Variants in UBN1 observed in about 807,000 individuals in gnomAD.
UBN1 encodes ubinuclein 1.
Under a neutral mutation model 108.5 loss-of-function variants are expected in UBN1, and 17 were observed. The observed-to-expected ratio is 0.16, with a 90% CI of 0.11 to 0.24. The LOEUF is 0.24. Ranked by LOEUF, UBN1 falls within the 10% of genes least tolerant of loss-of-function variation. The pLI is 1.00. For synonymous variants in UBN1, 726 were observed against 564.2 expected, an observed-to-expected ratio of 1.29 and a Z score of -4.07; for missense variants, 1,595 against 1,394.4, an observed-to-expected ratio of 1.14 and a Z score of -2.29.
chr16:4,848,488 C>T (rs1057233122), intron 1 of UBN1: 8 of 152,340 alleles, frequency 5.3e-5, no homozygotes, highest in Non-Finnish European at 1.0e-4. Flanking sequence ...CTTGTTGAGT[C>T]ACTGCCAGCT....
intron 1 of UBN1, among the ~76,000 whole-genome samples, chr16:4,851,230 A>G (rs1363520755): frequency 6.6e-6 from 1 of 152,234 alleles, no homozygotes; most frequent in Non-Finnish European, 1.5e-5. Context: ...GGCTGGGCTC[A>G]GTGGCTCACA....
rs781532073 is a variant in UBN1, at chr16:4,875,129, T to C, written c.2719T>C (p.Ser907Pro). ...TTACAAGAATAATCCCTTTGCCAGC[T>C]CAATCTCCAAACATGGGGTTTCTTC... ...SSYKNNPFAS[S>P]ISKHGVSSGS... is the part of the protein sequence containing the mutation. The change falls in exon 15 of 18, where the codon TCA becomes CCA. Residue 907 changes from serine to proline, a missense_variant. Physicochemically the swap from Ser to Pro is moderately conservative, Grantham distance 74. This residue lies in a region of UBN1 where 1,398 missense variants were observed against 1,194.7 expected (regional missense o/e 1.17). Coordinates refer to ENST00000262376, the MANE Select transcript of UBN1 (RefSeq NM_001079514.3). 7 of 1,614,080 alleles carry C rather than the reference T, an allele frequency of 4.3e-6. No individual in the cohort carries two copies. The African/African-American group carries it at 9.3e-5, about 22-fold the overall frequency.
In UBN1 at chr16:4,847,484, T is replaced by C. The variant is rs1475630093; in HGVS notation, c.-766T>C. 3.4e-6 allele frequency: 2 copies of C among 585,196 alleles called. No individual in the cohort carries two copies. The highest frequency in any genetic ancestry group is 5.7e-6 in the Non-Finnish European group (2 of 352,848). The allele number at this position is 585,196 out of a possible 1,614,324, so 36.3% of individuals were successfully genotyped here. ...GCGCCGGAGCGCAGAGACTCCCGGC[T>C]CCTTCCCCCTCCCTTCGGCTCGTGA... On this transcript the variant is annotated 5_prime_UTR_variant, in exon 1 of 18. Coordinates refer to ENST00000262376, the MANE Select transcript of UBN1 (RefSeq NM_001079514.3).
intron 2 of UBN1, among the ~76,000 whole-genome samples, chr16:4,855,606 CAAAAAA>C (rs36072146): frequency 7.5e-5 from 6 of 80,232 alleles, no homozygotes; most frequent in African/African-American, 2.8e-4. Context: ...GACCCTGTGT[CAAAAAA>C]AAAAAAAAAA....
At position 4,859,072 on chromosome 16, in the gene UBN1, T is replaced by C; in HGVS notation, c.480T>C (p.Phe160=). 6.2e-7 allele frequency: 1 copy of C among 1,614,164 alleles called. No homozygotes were observed. Among genetic ancestry groups the C allele is most frequent in the Non-Finnish European group, 8.5e-7 (1 of 1,180,026 alleles). The change falls in exon 5 of 18, where the codon TTT becomes TTC. Residue 160 remains phenylalanine (F), a synonymous_variant. Coordinates refer to ENST00000262376, the MANE Select transcript of UBN1 (RefSeq NM_001079514.3). ...PASLTTKYGG[F]YINSGTLQFR... ...CTTTGACTACGAAGTATGGAGGATT[T>C]TACATTAACTCGGGAACCCTGCAGT...
Position 4,868,913 on chromosome 16 carries a change from G to A in UBN1, c.1181+10G>A, listed in dbSNP as rs764581055. On this transcript the variant is annotated intron_variant, in intron 8 of 17. Transcript: ENST00000262376. The stretch of plus-strand genomic sequence containing the variant: ...ATGGAATCCTATTAGAGTGAGTATC[G>A]TCTGTCTGTCTGTCTGTCTGTCTGT... 4.7e-5 allele frequency: 74 copies of A among 1,580,454 alleles called. No individual in the cohort carries two copies. In the Admixed American group the frequency reaches 7.1e-4, roughly 15 times the overall value.
intron 1 of UBN1, among the ~76,000 whole-genome samples, chr16:4,849,402 T>TA (rs1221416565): frequency 6.6e-6 from 1 of 152,096 alleles, no homozygotes; most frequent in Non-Finnish European, 1.5e-5. Flanking sequence ...GGGTACTCAT[T>TA]ATAAGTTGGA....
chr16:4,878,097 T>G lies in UBN1; in HGVS notation c.3355+623T>G, dbSNP rs2087967855. ...AGCATCTTCTGAAATAGGGAACTTC[T>G]AAAAGCCTCAGGCTTGAGGCTGCTC... On this transcript the variant is annotated intron_variant, in intron 17 of 17. Coordinates refer to ENST00000262376, the MANE Select transcript of UBN1 (RefSeq NM_001079514.3). Among the ~76,000 whole-genome samples, 2 of 152,122 alleles carry G rather than the reference T, an allele frequency of 1.3e-5. 1 individual carries two copies. Among genetic ancestry groups the G allele is most frequent in the South Asian group, 4.1e-4 (2 of 4,830 alleles).
Position 4,870,614 on chromosome 16 carries a change from C to G in UBN1, c.1410C>G (p.His470Gln). 6.2e-7 allele frequency: 1 copy of G among 1,614,182 alleles called. No individual in the cohort carries two copies. Among genetic ancestry groups the G allele is most frequent in the East Asian group, 2.2e-5 (1 of 44,862 alleles). ...MAKYQDECQA[H>Q]TQAKVAKMLE... Reference sequence around the variant, plus strand: ...AGTACCAGGACGAATGCCAGGCACACACGCAGGCAAAGGTTGCCAAGTAAG... The same window carrying G: ...AGTACCAGGACGAATGCCAGGCACAGACGCAGGCAAAGGTTGCCAAGTAAG... Residue 470 changes from histidine to glutamine, a missense_variant, in exon 10 of 18, where the codon CAC becomes CAG. Around this residue, in one of 3 missense-constraint regions of UBN1, gnomAD observed 1,398 missense variants for 1,194.7 expected, o/e 1.17. Transcript: ENST00000262376.
intron 17 of UBN1, among the ~76,000 whole-genome samples, chr16:4,878,101 A>G (rs1386301464): frequency 6.6e-6 from 1 of 152,208 alleles, no homozygotes; most frequent in East Asian, 1.9e-4. Context: ...AACTTCTAAA[A>G]GCCTCAGGCT....
intron 6 of UBN1, among the ~76,000 whole-genome samples, 196 bp from the exon 7 acceptor site, chr16:4,860,468 T>C (rs1056677849): frequency 1.3e-5 from 2 of 152,228 alleles, no homozygotes; most frequent in Non-Finnish European, 2.9e-5. Context: ...ACTGTGTTGC[T>C]AACCTGTATT....
At chr16:4,850,010 C>T (rs1353296153) in intron 1 of UBN1, among the ~76,000 whole-genome samples, 1 of 148,806 alleles carries the variant, frequency 6.7e-6, no homozygotes, top group Admixed American at 6.7e-5. Flanking sequence ...AGGCAACTCT[C>T]GTAAGTCTAA....
chr16:4,847,630 T>C lies in UBN1; in HGVS notation c.-620T>C. ...GGTCTTGGACTCCGCGCCCCTCCCC[T>C]CTCGGCGCTTCCGTTACGCCCGTTG... On this transcript the variant is annotated 5_prime_UTR_variant, in exon 1 of 18. Coordinates refer to ENST00000262376, the MANE Select transcript of UBN1 (RefSeq NM_001079514.3). 3.8e-6 allele frequency: 1 copy of C among 262,856 alleles called. No homozygotes were observed. Among genetic ancestry groups the C allele is most frequent in the Middle Eastern group, 1.3e-3 (1 of 786 alleles). 16.3% of individuals were successfully genotyped at this position (262,856 alleles called of 1,614,324 possible).
intron 2 of UBN1, among the ~76,000 whole-genome samples, chr16:4,853,783 A>G (rs147947252): frequency 2.9e-3 from 439 of 152,188 alleles, no homozygotes; most frequent in African/African-American, 0.01. Context: ...GCTGGTCTCA[A>G]ACTCCTGGCC....
rs1259224457 is a variant in UBN1, at chr16:4,859,141, G to A, written c.549G>A (p.Lys183=). The A allele has an allele frequency of 6.2e-7, 1 of 1,612,686 alleles. No individual in the cohort carries two copies. The highest frequency in any genetic ancestry group is 8.5e-7 in the Non-Finnish European group (1 of 1,179,670). ...SESEDDFIKE[K]KKKSPKKRKL... Reference sequence around the variant, plus strand: ...CTGAAGATGACTTCATTAAAGAAAAGAAGAAAAAATCTCCAAAGGTTAGAA... The same window carrying A: ...CTGAAGATGACTTCATTAAAGAAAAAAAGAAAAAATCTCCAAAGGTTAGAA... The change falls in exon 5 of 18, where the codon AAG becomes AAA. Residue 183 remains lysine, a synonymous_variant. Transcript: ENST00000262376.
In UBN1 at chr16:4,860,664, C is replaced by T. The variant is rs750446602; in HGVS notation, c.672C>T (p.Gly224=). The change falls in exon 7 of 18, where the codon GGC becomes GGT. Residue 224 remains glycine (G), a splice_region_variant and synonymous_variant. Transcript: ENST00000262376. ...TGACCAGTTTCCCTCTTGCTTGCAGCTTCACAGCCCTCAATGCCAGTAAGG... is the reference window on the plus strand; with the variant it reads ...TGACCAGTTTCCCTCTTGCTTGCAGTTTCACAGCCCTCAATGCCAGTAAGG... ...KSKKSKFSKA[G]FTALNASKEK... is the part of the protein sequence containing the mutation. The T allele has an allele frequency of 1.1e-5, 17 of 1,608,102 alleles. No homozygotes were observed. In the Admixed American group the frequency reaches 2.4e-4, roughly 22 times the overall value.
Position 4,877,664 on chromosome 16 carries a change from G to A in UBN1, c.3355+190G>A. ...ACTTCTACTCTTGGGGTTTCCTCTG[G>A]TCCCCACTTGGAGCTGCCGCCAGGT... On this transcript the variant is annotated intron_variant, in intron 17 of 17. Coordinates refer to ENST00000262376, the MANE Select transcript of UBN1 (RefSeq NM_001079514.3). The surrounding 1 kb of genome is among the most constrained non-coding windows in gnomAD (Gnocchi z 4.3). The A allele has an allele frequency of 7.8e-7, 1 of 1,288,544 alleles. No individual in the cohort carries two copies. The highest frequency in any genetic ancestry group is 9.8e-7 in the Non-Finnish European group (1 of 1,018,886). 79.8% of individuals were successfully genotyped at this position (1,288,544 alleles called of 1,614,324 possible). A position where few individuals can be genotyped will look rare whatever the true frequency, so the allele number is the denominator to read the frequency against.
chr16:4,853,300 G>A lies in UBN1; in HGVS notation c.249+134G>A. 6 of 1,254,674 alleles carry A rather than the reference G, an allele frequency of 4.8e-6. No homozygotes were observed. In the South Asian group the frequency reaches 9.1e-5, roughly 19 times the overall value. 77.7% of individuals were successfully genotyped at this position (1,254,674 alleles called of 1,614,324 possible). ...CCCCAAGATCCTGTCACTCACTCAA[G>A]GCAAGCACAAGATTTGCTTCTCTTA... is the stretch of plus-strand genomic sequence containing the variant. On this transcript the variant is annotated intron_variant, in intron 2 of 17. Coordinates refer to ENST00000262376, the MANE Select transcript of UBN1 (RefSeq NM_001079514.3).
At chr16:4,876,437 ATG>A in intron 15 of UBN1, among the ~76,000 whole-genome samples, 1 of 152,186 alleles carries the variant, frequency 6.6e-6, no homozygotes, top group South Asian at 2.1e-4. Flanking sequence ...GTATATATGT[ATG>A]TGTGTGTATG....
Sources: gnomAD v4.1 joint callset for allele counts (sites outside exome capture counted in the v4.1 genomes callset) on GRCh38, gnomAD v4.1.1 for gene constraint, gnomAD v4.1.1 regional missense constraint, Gnocchi (gnomAD v3.1) non-coding constraint, MANE v1.5 for transcripts, NCBI Gene and HGNC (gene_info 2026-07-23, HGNC 2026-07-21) for gene names.